Variants in CNNM2 observed in about 807,000 individuals in gnomAD.
The protein encoded by CNNM2 is metal transporter CNNM2.
A neutral mutation model predicts 66.9 loss-of-function variants in CNNM2; 12 were observed. The ratio of observed to expected loss-of-function variants is 0.18; its 90% CI spans 0.11 to 0.29. The LOEUF is 0.29. Among genes scored for constraint, CNNM2 ranks in the 10% least tolerant of loss-of-function variants. The probability of loss-of-function intolerance (pLI) is 1.00; values close to 1 mark genes in which losing one functional copy is unlikely to be tolerated. For missense variants in CNNM2, 705 were observed against 1,167.7 expected, an observed-to-expected ratio of 0.60 and a Z score of 5.77; for synonymous variants, 557 against 501.8, an observed-to-expected ratio of 1.11 and a Z score of -1.47.
intron 2 of CNNM2, among the ~76,000 whole-genome samples, chr10:103,051,593 A>G (rs1218765455): frequency 6.6e-6 from 1 of 151,830 alleles, no homozygotes; most frequent in Non-Finnish European, 1.5e-5. Flanking sequence ...TATAAAAATC[A>G]GCTGGGCATG....
At chr10:103,032,246 T>G (rs1590426938) in intron 1 of CNNM2, among the ~76,000 whole-genome samples, 1 of 151,988 alleles carries the variant, frequency 6.6e-6, no homozygotes, top group African/African-American at 2.4e-5. Context: ...GGTCAGGAGT[T>G]CAAGACCAGC....
chr10:102,974,821 G>A (rs980838204), intron 1 of CNNM2, among the ~76,000 whole-genome samples: 10 of 152,206 alleles, frequency 6.6e-5, no homozygotes, highest in African/African-American at 2.4e-4. Flanking sequence ...ATAGGTATGA[G>A]CCAGCATGCC....
intron 1 of CNNM2, among the ~76,000 whole-genome samples, chr10:103,012,922 C>T (rs1209582416): frequency 6.6e-6 from 1 of 152,088 alleles, no homozygotes; most frequent in Non-Finnish European, 1.5e-5. Context: ...TTTCCTTTTC[C>T]TATCTTGCTT....
chr10:102,995,150 T>C, intron 1 of CNNM2, among the ~76,000 whole-genome samples: 2 of 138,728 alleles, frequency 1.4e-5, no homozygotes, highest in African/African-American at 2.7e-5. Flanking sequence ...TTCTTCCTCC[T>C]CCCCCTCTTC....
chr10:103,065,013 AAT>A (rs1310198217), intron 4 of CNNM2, among the ~76,000 whole-genome samples: 1 of 152,192 alleles, frequency 6.6e-6, no homozygotes, highest in Non-Finnish European at 1.5e-5. Flanking sequence ...CGCAGCAGTG[AAT>A]CTCAACTAGA....
At chr10:102,967,067 C>T (rs1371384346) in intron 1 of CNNM2, among the ~76,000 whole-genome samples, 2 of 152,160 alleles carry the variant, frequency 1.3e-5, no homozygotes, top group Non-Finnish European at 2.9e-5. Flanking sequence ...CCATGTCAGC[C>T]TCCCCAGTAT....
chr10:102,948,416 G>A (rs969768770), intron 1 of CNNM2, among the ~76,000 whole-genome samples: 1 of 152,162 alleles, frequency 6.6e-6, no homozygotes, highest in Non-Finnish European at 1.5e-5. Flanking sequence ...CTATTGCAGG[G>A]AGACATGATA....
chr10:102,952,654 C>G (rs1269679529), intron 1 of CNNM2, among the ~76,000 whole-genome samples: 1 of 151,932 alleles, frequency 6.6e-6, no homozygotes, highest in Admixed American at 6.6e-5. Context: ...AATGGATACC[C>G]TTTCACATAA....
chr10:103,028,915 C>T (rs2050589799), intron 1 of CNNM2, among the ~76,000 whole-genome samples: 1 of 148,104 alleles, frequency 6.8e-6, no homozygotes, highest in South Asian at 2.1e-4. Context: ...CTCCGCACAC[C>T]AGGTTCAATC....
rs11191537 is a variant in CNNM2 at position 103,057,952 on chromosome 10, A to G, written c.2073+988A>G. On this transcript the variant is annotated intron_variant, in intron 4 of 7. Transcript: ENST00000369878. ...TCACAGTTTCACTTAATAGAGCTCT[A>G]TCCTTGGCATGGAGGCCAAGGTGGA... is the stretch of plus-strand genomic sequence containing the variant. Among the ~76,000 whole-genome samples the G allele has an allele frequency of 0.13, 20,349 of 152,222 alleles. 1,399 individuals carry two copies. Among genetic ancestry groups the G allele is most frequent in the Middle Eastern group, 0.23 (69 of 294 alleles).
intron 1 of CNNM2, among the ~76,000 whole-genome samples, chr10:102,924,426 T>G (rs1845773910): frequency 6.6e-6 from 1 of 152,248 alleles, no homozygotes; most frequent in African/African-American, 2.4e-5. Flanking sequence ...TAGCTTTTTC[T>G]TAGTAACAGG....
intron 1 of CNNM2, among the ~76,000 whole-genome samples, chr10:102,990,258 G>A (rs1255931561): frequency 2.6e-5 from 4 of 152,022 alleles, no homozygotes; most frequent in Admixed American, 1.3e-4. Flanking sequence ...GAGCCACCGC[G>A]CCCGGTTTAA....
In CNNM2 at chr10:102,969,852, A is replaced by G. The variant is rs373392725; in HGVS notation, c.1621+49751A>G. Among the ~76,000 whole-genome samples the G allele has an allele frequency of 7.9e-5, 12 of 151,810 alleles. No homozygotes were observed. In the East Asian group the frequency reaches 2.0e-3, roughly 25 times the overall value. ...GAGACGGGGTTTCTCCATGTTGGTC[A>G]GGCTGGTCTCAAGCTCCTGACCTCA... On this transcript the variant is annotated intron_variant, in intron 1 of 7. Transcript: ENST00000369878.
intron 1 of CNNM2, among the ~76,000 whole-genome samples, chr10:102,973,457 T>C (rs1437340889): frequency 1.3e-5 from 2 of 151,816 alleles, no homozygotes. Flanking sequence ...ATGTGTGCAA[T>C]GTGAGCCTAA....
chr10:103,079,203 G>A lies in CNNM2; in HGVS notation c.*2023G>A, dbSNP rs1217767941. ...AGTTTCTTAAGATGCCTCTCACTGA[G>A]CACAACACCAGTGTGATGAGTGTAT... On this transcript the variant is annotated 3_prime_UTR_variant, in exon 8 of 8. Coordinates refer to ENST00000369878, the MANE Select transcript of CNNM2 (RefSeq NM_017649.5). 2 of 152,210 alleles carry A rather than the reference G, an allele frequency of 1.3e-5. No homozygotes were observed. Among genetic ancestry groups the A allele is most frequent in the African/African-American group, 2.4e-5 (1 of 41,440 alleles). 9.4% of individuals were successfully genotyped at this position (152,210 alleles called of 1,614,324 possible).
intron 1 of CNNM2, among the ~76,000 whole-genome samples, chr10:102,953,169 A>G (rs552769385): frequency 7.2e-5 from 11 of 152,336 alleles, no homozygotes; most frequent in Non-Finnish European, 1.0e-4. Context: ...AAAAATCAAA[A>G]GTGCTGGTTT....
chr10:102,952,312 C>G (rs185559921), intron 1 of CNNM2, among the ~76,000 whole-genome samples: 177 of 152,082 alleles, frequency 1.2e-3, no homozygotes, highest in African/African-American at 4.1e-3. Context: ...CGCCTGTAAT[C>G]CCAGCACTTT....
intron 1 of CNNM2, among the ~76,000 whole-genome samples, chr10:102,988,402 G>A (rs571625974): frequency 1.3e-5 from 2 of 152,280 alleles, no homozygotes; most frequent in East Asian, 3.9e-4. Flanking sequence ...ACTGAAACCT[G>A]TGAATGCTCA....
Position 103,068,788 on chromosome 10 carries a change from A to C in CNNM2, c.2167+66A>C, listed in dbSNP as rs1481820198. ...TAGGAAGTAAGGCCCCTCTCCTTTC[A>C]TCTTGCTTTCTGTATCTGCCAGCTG... On this transcript the variant is annotated intron_variant, in intron 5 of 7. Coordinates refer to ENST00000369878, the MANE Select transcript of CNNM2 (RefSeq NM_017649.5). 7 of 1,289,766 alleles carry C rather than the reference A, an allele frequency of 5.4e-6. No homozygotes were observed. The African/African-American group carries it at 1.0e-4, about 19-fold the overall frequency. The allele number at this position is 1,289,766 out of a possible 1,614,324, so 79.9% of individuals were successfully genotyped here. A position where few individuals can be genotyped will look rare whatever the true frequency, so the allele number is the denominator to read the frequency against.
Sources: allele counts gnomAD v4.1 joint callset (sites outside exome capture counted in the v4.1 genomes callset), GRCh38; gene constraint gnomAD v4.1.1; transcripts MANE v1.5; gene names NCBI Gene and HGNC (gene_info 2026-07-23, HGNC 2026-07-21).